ZC3H6: variants seen among roughly 807,000 people sequenced by gnomAD.
ZC3H6 encodes zinc finger CCCH-type containing 6.
Under a neutral mutation model 107.7 loss-of-function variants are expected in ZC3H6, and 40 were observed. The ratio of observed to expected loss-of-function variants is 0.37; its 90% CI spans 0.29 to 0.48. ZC3H6 has a LOEUF of 0.48. ZC3H6 is among the 20% of genes least tolerant of loss of function. ZC3H6 has a pLI of 0.98. For synonymous variants in ZC3H6, 493 were observed against 487.9 expected (o/e 1.01, Z -0.14); for missense variants, 1,267 against 1,410.4 (o/e 0.90, Z 1.63).
chr2:112,287,415 A>G (rs1300137565), intron 1 of ZC3H6, among the ~76,000 whole-genome samples: 1 of 152,210 alleles, frequency 6.6e-6, no homozygotes, highest in Admixed American at 6.5e-5. Flanking sequence ...TGCTTATGAC[A>G]TAAAGTATAA....
intron 1 of ZC3H6, among the ~76,000 whole-genome samples, chr2:112,296,964 A>G (rs1676251138): frequency 6.6e-6 from 1 of 152,196 alleles, no homozygotes; most frequent in Admixed American, 6.5e-5. Context: ...GTAGGAAATG[A>G]CATCTAAACT....
At chr2:112,296,948 C>T (rs1676249497) in intron 1 of ZC3H6, among the ~76,000 whole-genome samples, 1 of 152,120 alleles carries the variant, frequency 6.6e-6, no homozygotes, top group Admixed American at 6.6e-5. Flanking sequence ...TAATGGGAGA[C>T]ATCTTGTAGG....
rs887734097 is a variant in ZC3H6, at chr2:112,309,244, T to G, written c.337-641T>G. 1.9e-4 allele frequency among the ~76,000 whole-genome samples: 29 copies of G among 152,190 alleles called. 1 individual carries two copies. The highest frequency in any genetic ancestry group is 5.9e-5 in the Non-Finnish European group (4 of 68,034). On this transcript the variant is annotated intron_variant, in intron 3 of 11. Coordinates refer to ENST00000409871, the MANE Select transcript of ZC3H6 (RefSeq NM_198581.3). ...GACAGACCTGAATACTGTCATTTAA[T>G]AAACTTCTAGTACTAAAGTGTATTC...
rs1676421157 is a variant in ZC3H6 at position 112,303,359 on chromosome 2, C to T, written c.336+8C>T. The T allele has an allele frequency of 6.2e-7, 1 of 1,607,910 alleles. No homozygotes were observed. Among genetic ancestry groups the T allele is most frequent in the African/African-American group, 1.3e-5 (1 of 74,664 alleles). On this transcript the variant is annotated splice_region_variant and intron_variant, in intron 3 of 11. Transcript: ENST00000409871. ...GACATTCCATTTACTCAGGTATTGC[C>T]ATTTTTTTGTTTTGTGATAAAACAT...
intron 1 of ZC3H6, among the ~76,000 whole-genome samples, chr2:112,287,749 A>C (rs1360436359): frequency 1.3e-5 from 2 of 152,114 alleles, no homozygotes; most frequent in Non-Finnish European, 2.9e-5. Context: ...CTACAGGCGC[A>C]TGCCACCACG....
chr2:112,310,507 A>G (rs1402336981), intron 4 of ZC3H6, among the ~76,000 whole-genome samples: 1 of 152,198 alleles, frequency 6.6e-6, no homozygotes, highest in African/African-American at 2.4e-5. Flanking sequence ...GGGAAGCTAT[A>G]CTTTTATTAG....
chr2:112,297,093 A>T (rs535762619), intron 1 of ZC3H6, among the ~76,000 whole-genome samples: 1 of 152,262 alleles, frequency 6.6e-6, no homozygotes, highest in African/African-American at 2.4e-5. Flanking sequence ...TGAGAAATTG[A>T]AAGTAGCTGG....
intron 1 of ZC3H6, chr2:112,285,943 A>G: frequency 5.5e-6 from 1 of 180,556 alleles, no homozygotes; most frequent in Non-Finnish European, 1.2e-5. Context: ...CCTGGGCGAC[A>G]GAGCGAGTCT....
intron 1 of ZC3H6, among the ~76,000 whole-genome samples, chr2:112,295,287 A>T (rs1208661747): frequency 6.6e-6 from 1 of 152,192 alleles, no homozygotes; most frequent in Non-Finnish European, 1.5e-5. Context: ...CACATATATA[A>T]TTAATTGACT....
At chr2:112,293,593 T>C (rs888740532) in intron 1 of ZC3H6, among the ~76,000 whole-genome samples, 2 of 152,224 alleles carry the variant, frequency 1.3e-5, no homozygotes, top group African/African-American at 4.8e-5. Flanking sequence ...CGAAAACTCA[T>C]GTCTGGTGGA....
At chr2:112,282,672 A>G (rs1207485342) in intron 1 of ZC3H6, among the ~76,000 whole-genome samples, 4 of 152,230 alleles carry the variant, frequency 2.6e-5, no homozygotes, top group Non-Finnish European at 5.9e-5. Context: ...CAGTTTATTC[A>G]AGTAAAATAA....
At chr2:112,327,112 G>A (rs766444428) in intron 11 of ZC3H6, among the ~76,000 whole-genome samples, 2 of 152,136 alleles carry the variant, frequency 1.3e-5, no homozygotes, top group African/African-American at 4.8e-5. Flanking sequence ...TCTTCATAGT[G>A]GTCGTACTAA....
At chr2:112,322,002 T>A in intron 8 of ZC3H6, 137 bp downstream of exon 8, 1 of 453,298 alleles carries the variant, frequency 2.2e-6, no homozygotes, top group Non-Finnish European at 3.9e-6. Context: ...ATTTGAGCAA[T>A]ATTCTTTACC....
chr2:112,302,775 T>G (rs1676404935), intron 2 of ZC3H6, among the ~76,000 whole-genome samples: 1 of 152,168 alleles, frequency 6.6e-6, no homozygotes, highest in South Asian at 2.1e-4. Context: ...TTTTGTAATT[T>G]GTAATGTTTT....
intron 3 of ZC3H6, among the ~76,000 whole-genome samples, chr2:112,307,057 T>A (rs1268788678): frequency 2.6e-5 from 4 of 152,200 alleles, no homozygotes; most frequent in African/African-American, 4.8e-5. Context: ...CTACTTTTTT[T>A]AAGAGAGACA....
intron 3 of ZC3H6, among the ~76,000 whole-genome samples, chr2:112,306,198 A>G (rs1485133536): frequency 3.8e-5 from 5 of 132,332 alleles, no homozygotes; most frequent in Non-Finnish European, 6.2e-5. Context: ...TTTGAGACGG[A>G]GTCTCACTTT....
chr2:112,337,255 G>T lies in ZC3H6; in HGVS notation c.*4767G>T, dbSNP rs189072354. 1 of 151,730 alleles carries T rather than the reference G, an allele frequency of 6.6e-6. No homozygotes were observed. The highest frequency in any genetic ancestry group is 2.4e-5 in the African/African-American group (1 of 41,360). The allele number at this position is 151,730 out of a possible 1,614,324, so 9.4% of individuals were successfully genotyped here. On this transcript the variant is annotated 3_prime_UTR_variant, in exon 12 of 12. Coordinates refer to ENST00000409871, the MANE Select transcript of ZC3H6 (RefSeq NM_198581.3). ...TGATCAATAATTTATTCCTATAAAG[G>T]TCTGCAGGATTTTTTCTGTAACCAG...
intron 4 of ZC3H6, among the ~76,000 whole-genome samples, chr2:112,310,399 G>T (rs1441364809): frequency 1.3e-5 from 2 of 152,120 alleles, no homozygotes; most frequent in Non-Finnish European, 2.9e-5. Flanking sequence ...ACATAAAAAT[G>T]CAATACAACT....
chr2:112,291,359 G>A (rs1418690931), intron 1 of ZC3H6, among the ~76,000 whole-genome samples: 1 of 152,070 alleles, frequency 6.6e-6, no homozygotes, highest in Non-Finnish European at 1.5e-5. Context: ...TCAGCCTCCT[G>A]AGTAGCTGGG....
Sources: allele counts gnomAD v4.1 joint callset (sites outside exome capture counted in the v4.1 genomes callset), GRCh38; gene constraint gnomAD v4.1.1; transcripts MANE v1.5; gene names NCBI Gene and HGNC (gene_info 2026-07-23, HGNC 2026-07-21).